COPS7B: variants seen among roughly 807,000 people sequenced by gnomAD.
COPS7B encodes the protein COP9 signalosome complex subunit 7b.
COPS7B carries 9 observed loss-of-function variants against 33.4 expected under a neutral mutation model. The ratio of observed to expected loss-of-function variants is 0.27; its 90% confidence interval spans 0.16 to 0.47. COPS7B has a LOEUF of 0.47. Among genes scored for constraint, COPS7B ranks in the 20% least tolerant of loss-of-function variants. The pLI, the probability that COPS7B is intolerant of heterozygous loss-of-function variation, is 0.99. For synonymous variants in COPS7B, 119 were observed against 126.3 expected, an observed-to-expected ratio of 0.94 and a Z score of 0.39; for missense variants, 242 against 318.2, an observed-to-expected ratio of 0.76 and a Z score of 1.82.
At chr2:231,788,847 C>A in intron 2 of COPS7B, 115 bp downstream of exon 2, 2 of 932,288 alleles carry the variant, frequency 2.1e-6, no homozygotes, top group Non-Finnish European at 3.2e-6. Context: ...TATTGTGAGA[C>A]AGATGGGAAT....
intron 6 of COPS7B, among the ~76,000 whole-genome samples, chr2:231,805,236 C>G (rs2049856694): frequency 6.6e-6 from 1 of 151,762 alleles, no homozygotes; most frequent in African/African-American, 2.4e-5. Flanking sequence ...AAGCCATTGG[C>G]TTGCTCCAGA....
At chr2:231,793,208 A>T (rs78790070) in intron 3 of COPS7B, among the ~76,000 whole-genome samples, 2,022 of 152,272 alleles carry the variant, frequency 0.013, 30 homozygotes, top group Non-Finnish European at 0.018. Context: ...GATGTTTCAG[A>T]ATTTAGAATT....
At position 231,798,939 on chromosome 2, in the gene COPS7B, G is replaced by A. The variant is rs201367105; in HGVS notation, c.611G>A (p.Arg204Gln). 112 of 1,614,100 alleles carry A rather than the reference G, an allele frequency of 6.9e-5. No homozygotes were observed. The highest frequency in any genetic ancestry group is 2.2e-5 in the South Asian group (2 of 91,076). The change falls in exon 6 of 7, where the codon CGA (arginine) becomes CAA (glutamine). Residue 204 changes from arginine to glutamine, a missense_variant. Physicochemically the swap from Arg to Gln is conservative, Grantham distance 43 (BLOSUM62 1). Transcript: ENST00000350033. ...RANQYKENHN[R>Q]TQQQVEAEVT... The stretch of plus-strand genomic sequence containing the variant: ...AACCAGTACAAAGAGAACCACAACC[G>A]AACTCAGCAGCAGGTAGAAGCAGAG...
At chr2:231,807,273 C>T (rs971128192) in intron 6 of COPS7B, among the ~76,000 whole-genome samples, 1 of 152,186 alleles carries the variant, frequency 6.6e-6, no homozygotes, top group African/African-American at 2.4e-5. Context: ...TTGTTTCAAC[C>T]AGGAGAGCAT....
intron 6 of COPS7B, among the ~76,000 whole-genome samples, chr2:231,804,904 C>T (rs552607075): frequency 6.6e-6 from 1 of 152,232 alleles, no homozygotes; most frequent in Non-Finnish European, 1.5e-5. Context: ...CATGTCGTTA[C>T]CTCTTATTAT....
At chr2:231,784,993 TA>T (rs1341791541), upstream of COPS7B, among the ~76,000 whole-genome samples, 1 of 152,236 alleles carries the variant, frequency 6.6e-6, no homozygotes, top group Non-Finnish European at 1.5e-5. Context: ...GTATTTTTAG[TA>T]GAGACAGAGT....
intron 2 of COPS7B, chr2:231,788,934 ATTAGATTG>A: frequency 2.0e-6 from 1 of 504,128 alleles, no homozygotes; most frequent in East Asian, 3.3e-5. Context: ...CTTGGGTAAA[ATTAGATTG>A]TTGCTAATAA....
At chr2:231,787,478 A>T (rs2049284095) in intron 1 of COPS7B, among the ~76,000 whole-genome samples, 1 of 152,164 alleles carries the variant, frequency 6.6e-6, no homozygotes, top group Non-Finnish European at 1.5e-5. Context: ...TAATTAGATT[A>T]CACAATTGAG....
At chr2:231,803,142 A>G (rs966015415) in intron 6 of COPS7B, among the ~76,000 whole-genome samples, 2 of 152,236 alleles carry the variant, frequency 1.3e-5, no homozygotes, top group Non-Finnish European at 2.9e-5. Context: ...GTGGGAGGCC[A>G]TCGAAGAGGG....
chr2:231,788,988 T>A (rs1194641125), intron 2 of COPS7B: 1 of 366,990 alleles, frequency 2.7e-6, no homozygotes, highest in Non-Finnish European at 5.0e-6. Context: ...AAATTGATCC[T>A]GATAAATTAG....
chr2:231,788,588 A>G lies in COPS7B; in HGVS notation c.18A>G (p.Lys6=). 1 of 1,613,628 alleles carries G rather than the reference A, an allele frequency of 6.2e-7. No homozygotes were observed. Among genetic ancestry groups the G allele is most frequent in the Non-Finnish European group, 8.5e-7 (1 of 1,179,958 alleles). ...GCCAGAGAATGGCAGGGGAACAGAA[A>G]CCCTCAAGTAATCTCCTGGAGCAGT... MAGEQ[K]PSSNLLEQFI... Residue 6 remains lysine (K), a synonymous_variant, in exon 2 of 7, where the codon AAA becomes AAG. Transcript: ENST00000350033.
At chr2:231,791,636 A>T in intron 2 of COPS7B, 97 bp from the exon 3 acceptor site, 1 of 993,340 alleles carries the variant, frequency 1.0e-6, no homozygotes, top group Non-Finnish European at 1.6e-6. Flanking sequence ...ATAAACAGCC[A>T]TGGCATCTTT....
chr2:231,802,018 G>A lies in COPS7B; in HGVS notation c.636+3054G>A, dbSNP rs529918284. 6.6e-5 allele frequency among the ~76,000 whole-genome samples: 10 copies of A among 152,140 alleles called. No individual in the cohort carries two copies. In the East Asian group the frequency reaches 1.4e-3, roughly 21 times the overall value. On this transcript the variant is annotated intron_variant, in intron 6 of 6. Transcript: ENST00000350033. ...TCCACCTCCGGACCTCAAGTGATCC[G>A]CCTGCCTCGGTCTCCCAAAGTGCTG...
At chr2:231,792,337 C>T (rs867312239) in intron 3 of COPS7B, 1 of 261,030 alleles carries the variant, frequency 3.8e-6, no homozygotes, top group African/African-American at 2.3e-5. Context: ...ACTAAAAATA[C>T]AAAAATTAGC....
upstream of COPS7B, among the ~76,000 whole-genome samples, chr2:231,784,469 AAG>A (rs1204744402): frequency 6.6e-6 from 1 of 152,056 alleles, no homozygotes; most frequent in East Asian, 1.9e-4. Flanking sequence ...GTGACAGAGT[AAG>A]ACTCTGTCTC....
chr2:231,796,302 A>G lies in COPS7B; in HGVS notation c.524A>G (p.His175Arg), dbSNP rs747198851. 1.9e-6 allele frequency: 3 copies of G among 1,613,856 alleles called. No individual in the cohort carries two copies. Among genetic ancestry groups the G allele is most frequent in the South Asian group, 1.1e-5 (1 of 91,066 alleles). The part of the protein sequence containing the change: ...KDINNIVKTL[H>R]EWCDGCEAVL... ...ATCAATAATATTGTCAAGACCCTGC[A>G]TGAATGGTGAGGCTAAAAGGAGGAG... The change falls in exon 5 of 7, where the codon CAT (histidine) becomes CGT (arginine). Residue 175 changes from histidine to arginine, a missense_variant. His to Arg is a conservative substitution (Grantham distance 29). Coordinates refer to ENST00000350033, the MANE Select transcript of COPS7B (RefSeq NM_022730.4).
upstream of COPS7B, chr2:231,781,688 C>T (rs990870604): frequency 1.0e-5 from 7 of 696,010 alleles, 1 homozygote; most frequent in South Asian, 1.2e-4. Context: ...ATCCCCTGCA[C>T]TCGGTTCCTC....
chr2:231,804,871 C>T (rs2049846758), intron 6 of COPS7B, among the ~76,000 whole-genome samples: 1 of 152,252 alleles, frequency 6.6e-6, no homozygotes, highest in East Asian at 1.9e-4. Context: ...AGGTAACTGA[C>T]ATGCAAATAA....
Position 231,792,115 on chromosome 2 carries a change from C to T in COPS7B, c.238+307C>T, listed in dbSNP as rs1241640843. 3 of 566,364 alleles carry T rather than the reference C, an allele frequency of 5.3e-6. No individual in the cohort carries two copies. In the African/African-American group the frequency reaches 5.6e-5, roughly 11 times the overall value. 35.1% of individuals were successfully genotyped at this position (566,364 alleles called of 1,614,324 possible). ...GGAGTGCTGTGAAGTGCAGAATACC[C>T]ACCTGTAGAATGTTTCAACATTTTA... On this transcript the variant is annotated intron_variant, in intron 3 of 6. Coordinates refer to ENST00000350033, the MANE Select transcript of COPS7B (RefSeq NM_022730.4).
Sources: allele counts gnomAD v4.1 joint callset (sites outside exome capture counted in the v4.1 genomes callset), GRCh38; gene constraint gnomAD v4.1.1; transcripts MANE v1.5; gene names NCBI Gene and HGNC (gene_info 2026-07-23, HGNC 2026-07-21).